MTARC2: variants seen among roughly 807,000 people sequenced by gnomAD.
MTARC2 encodes the protein mitochondrial amidoxime reducing component 2.
Under a neutral mutation model 35.6 loss-of-function variants are expected in MTARC2, and 27 were observed. That is an observed-to-expected ratio of 0.76 (90% confidence interval 0.56 to 1.04). The LOEUF is 1.04. Ranked by LOEUF, MTARC2 falls within the 50% of genes least tolerant of loss-of-function variation. The pLI is 0.00. For synonymous variants in MTARC2, 158 were observed against 167.1 expected, an observed-to-expected ratio of 0.95 and a Z score of 0.42; for missense variants, 412 against 432.5, an observed-to-expected ratio of 0.95 and a Z score of 0.42.
chr1:220,774,121 G>A (rs1353559218), intron 4 of MTARC2, among the ~76,000 whole-genome samples: 9 of 150,836 alleles, frequency 6.0e-5, no homozygotes, highest in Admixed American at 5.3e-4. Context: ...GCTGGAGTGC[G>A]GTGACGTGAT....
At chr1:220,748,892 A>G in intron 1 of MTARC2, 89 bp downstream of exon 1, 1 of 1,379,394 alleles carries the variant, frequency 7.2e-7, no homozygotes, top group Non-Finnish European at 9.4e-7. Flanking sequence ...TCTGGGAAGG[A>G]CTATAGAGGT....
intron 2 of MTARC2, among the ~76,000 whole-genome samples, chr1:220,755,746 A>G (rs1671260734): frequency 6.6e-6 from 1 of 152,188 alleles, no homozygotes; most frequent in Admixed American, 6.5e-5. Context: ...TATTATTTCT[A>G]GGAATTGGTC....
intron 2 of MTARC2, chr1:220,756,512 G>C (rs1174325119): frequency 1.3e-5 from 2 of 152,234 alleles, no homozygotes; most frequent in Admixed American, 1.3e-4. Context: ...CGAAAACACA[G>C]AGCTGGGATT....
intron 4 of MTARC2, among the ~76,000 whole-genome samples, chr1:220,768,965 A>T (rs1671657473): frequency 6.6e-6 from 1 of 152,128 alleles, no homozygotes; most frequent in Admixed American, 6.5e-5. Context: ...AGAGTCTTGG[A>T]TGGATTTGCC....
chr1:220,758,972 C>G (rs1394960835), intron 2 of MTARC2, among the ~76,000 whole-genome samples: 1 of 152,070 alleles, frequency 6.6e-6, no homozygotes, highest in Admixed American at 6.6e-5. Flanking sequence ...TCCACCTTAT[C>G]TATGAATATT....
chr1:220,779,876 C>A, intron 4 of MTARC2, 142 bp from the exon 5 acceptor site: 1 of 584,210 alleles, frequency 1.7e-6, no homozygotes, highest in Non-Finnish European at 2.8e-6. Flanking sequence ...CCCTTTGAGT[C>A]CTCTGGGAGA....
chr1:220,766,827 T>A (rs891308141), intron 4 of MTARC2, among the ~76,000 whole-genome samples: 2 of 149,394 alleles, frequency 1.3e-5, no homozygotes, highest in Non-Finnish European at 3.0e-5. Context: ...CTTCTTCTTT[T>A]TTTTTTTAAA....
chr1:220,773,619 A>G (rs1027000175), intron 4 of MTARC2, among the ~76,000 whole-genome samples: 5 of 152,082 alleles, frequency 3.3e-5, no homozygotes, highest in African/African-American at 1.2e-4. Flanking sequence ...AGGGATCTCT[A>G]CTTGCTTCTA....
At position 220,748,910 on chromosome 1, in the gene MTARC2, C is replaced by A. The variant is rs560232676; in HGVS notation, c.272+107C>A. 2.3e-6 allele frequency: 3 copies of A among 1,325,598 alleles called. No homozygotes were observed. In the African/African-American group the frequency reaches 4.7e-5, roughly 21 times the overall value. The allele number at this position is 1,325,598 out of a possible 1,614,324, so 82.1% of individuals were successfully genotyped here. A position where few individuals can be genotyped will look rare whatever the true frequency, so the allele number is the denominator to read the frequency against. ...GGGAAGGACTATAGAGGTTTGCCAC[C>A]TGAGTTTCTGGGCTGACTGTTGGGC... On this transcript the variant is annotated intron_variant, in intron 1 of 7. Transcript: ENST00000366913.
rs1436092432 is a variant in MTARC2 at position 220,762,891 on chromosome 1, A to C, written c.610-19A>C. The C allele has an allele frequency of 6.2e-7, 1 of 1,613,804 alleles. No homozygotes were observed. Among genetic ancestry groups the C allele is most frequent in the East Asian group, 2.2e-5 (1 of 44,860 alleles). The stretch of plus-strand genomic sequence containing the variant: ...TTTTGTGGAGTGGTGGGGCCTGACT[A>C]TCCTGTGTTCTTGGCAAGGTGGCCT... On this transcript the variant is annotated intron_variant, in intron 3 of 7. Transcript: ENST00000366913.
chr1:220,778,996 C>A (rs1476819913), intron 4 of MTARC2, among the ~76,000 whole-genome samples: 1 of 152,158 alleles, frequency 6.6e-6, no homozygotes, highest in African/African-American at 2.4e-5. Context: ...ATTGCATCTT[C>A]ATTTTGTCAT....
In MTARC2 at chr1:220,784,129, G is replaced by A; in HGVS notation, c.*242G>A. The stretch of plus-strand genomic sequence containing the variant: ...TATATATAAATTTTAGGTACTGAAG[G>A]CTTTAAAAATAATTAAGATCATCAA... On this transcript the variant is annotated 3_prime_UTR_variant, in exon 8 of 8. Transcript: ENST00000366913. The A allele has an allele frequency of 4.1e-6, 2 of 485,756 alleles. No individual in the cohort carries two copies. The highest frequency in any genetic ancestry group is 7.5e-6 in the Non-Finnish European group (2 of 267,368). The allele number at this position is 485,756 out of a possible 1,614,324, so 30.1% of individuals were successfully genotyped here. A position where few individuals can be genotyped will look rare whatever the true frequency, so the allele number is the denominator to read the frequency against.
At position 220,748,395 on chromosome 1, in the gene MTARC2, T is replaced by A. The variant is rs773631956; in HGVS notation, c.-137T>A. The A allele has an allele frequency of 6.7e-3, 5,968 of 889,778 alleles. 33 individuals carry two copies. The highest frequency in any genetic ancestry group is 7.9e-3 in the Non-Finnish European group (5,292 of 666,854). 55.1% of individuals were successfully genotyped at this position (889,778 alleles called of 1,614,324 possible). Reference sequence around the variant, plus strand: ...CGGAACTGCTCTGCCGTCTCGGCGGTGAAAGTGTGAGAGGGTCCGTAGTTG... The same window carrying A: ...CGGAACTGCTCTGCCGTCTCGGCGGAGAAAGTGTGAGAGGGTCCGTAGTTG... On this transcript the variant is annotated 5_prime_UTR_variant, in exon 1 of 8. Coordinates refer to ENST00000366913, the MANE Select transcript of MTARC2 (RefSeq NM_017898.5).
intron 1 of MTARC2, among the ~76,000 whole-genome samples, chr1:220,753,744 T>A (rs1299220128): frequency 2.6e-5 from 4 of 152,160 alleles, no homozygotes; most frequent in Admixed American, 2.6e-4. Context: ...GCAGATTCTA[T>A]CTTCTTTCTA....
intron 3 of MTARC2, among the ~76,000 whole-genome samples, chr1:220,762,491 CTGCTGT>C (rs1361718236): frequency 6.6e-6 from 1 of 152,194 alleles, no homozygotes; most frequent in Non-Finnish European, 1.5e-5. Context: ...GCTTTCTTTA[CTGCTGT>C]TTCCCCACTA....
At chr1:220,771,909 T>C (rs761017649) in intron 4 of MTARC2, among the ~76,000 whole-genome samples, 16 of 152,162 alleles carry the variant, frequency 1.1e-4, no homozygotes, top group Non-Finnish European at 1.3e-4. Flanking sequence ...ATCCCAGAAC[T>C]TAAAGTAAAA....
chr1:220,778,760 C>T (rs530813954), intron 4 of MTARC2, among the ~76,000 whole-genome samples: 5 of 152,146 alleles, frequency 3.3e-5, no homozygotes, highest in South Asian at 2.1e-4. Context: ...TCTGCCCTTC[C>T]GTTTCTTAAA....
intron 6 of MTARC2, among the ~76,000 whole-genome samples, chr1:220,780,453 CTTT>C (rs11364112): frequency 1.1e-4 from 15 of 133,726 alleles, no homozygotes; most frequent in East Asian, 2.3e-4. Context: ...TTTGGATAAA[CTTT>C]TTTTTTTTTT....
At chr1:220,760,553 A>G (rs1338557004) in intron 2 of MTARC2, among the ~76,000 whole-genome samples, 2 of 152,214 alleles carry the variant, frequency 1.3e-5, no homozygotes, top group Non-Finnish European at 2.9e-5. Context: ...TCAGAGTTTT[A>G]TGGATATTTT....
Sources: allele counts gnomAD v4.1 joint callset (sites outside exome capture counted in the v4.1 genomes callset), GRCh38; gene constraint gnomAD v4.1.1; transcripts MANE v1.5; gene names NCBI Gene and HGNC (gene_info 2026-07-23, HGNC 2026-07-21).